Variants in TBCK observed in about 807,000 individuals in gnomAD.
TBCK encodes the protein TBC1 domain containing kinase, also known as TBC domain-containing protein kinase-like protein.
TBCK carries 99 observed loss-of-function variants against 113.4 expected under a neutral mutation model. That is an observed-to-expected ratio of 0.87 (90% CI 0.74 to 1.03). TBCK has a LOEUF of 1.03. Ranked by LOEUF, TBCK falls within the 50% of genes least tolerant of loss-of-function variation. The probability of loss-of-function intolerance (pLI) is 0.00; values close to 1 mark genes in which losing one functional copy is unlikely to be tolerated. For missense variants in TBCK, 1,045 were observed against 1,061.3 expected (o/e 0.98, Z 0.21); for synonymous variants, 369 against 370.8 (o/e 1.00, Z 0.05).
At chr4:106,295,967 G>C (rs562921847) in intron 2 of TBCK, among the ~76,000 whole-genome samples, 11 of 152,172 alleles carry the variant, frequency 7.2e-5, no homozygotes, top group Middle Eastern at 3.4e-3. Context: ...GCATATTTAA[G>C]TGGATGTGTG....
intron 25 of TBCK, among the ~76,000 whole-genome samples, chr4:106,054,119 C>A (rs1007438677): frequency 2.6e-5 from 4 of 151,644 alleles, no homozygotes; most frequent in African/African-American, 9.7e-5. Flanking sequence ...ATTTTAACGG[C>A]CTGTAGCTTT....
chr4:106,110,183 C>T (rs565933117), intron 24 of TBCK, among the ~76,000 whole-genome samples: 3 of 152,322 alleles, frequency 2.0e-5, no homozygotes, highest in African/African-American at 2.4e-5. Context: ...GTCAGGGCTG[C>T]GGCTGCTACA....
rs536344741 is a variant in TBCK, at chr4:106,140,285, TA to T, written c.2236-23908del. On this transcript the variant is annotated intron_variant, in intron 23 of 25. Coordinates refer to ENST00000394708, the MANE Select transcript of TBCK (RefSeq NM_001163435.3). ...TACATTTCAACACATATATTTTATT[TA>T]AAAAAAGTTTAAGTTCTTTTGCATT... Among the ~76,000 whole-genome samples the T allele has an allele frequency of 3.5e-5, 5 of 141,006 alleles. 1 individual carries two copies. The highest frequency in any genetic ancestry group is 1.2e-4 in the African/African-American group (5 of 40,014). 92.5% of individuals were successfully genotyped at this position (141,006 alleles called of 152,430 possible).
At chr4:106,275,684 A>G (rs1000253934) in intron 3 of TBCK, among the ~76,000 whole-genome samples, 1 of 152,178 alleles carries the variant, frequency 6.6e-6, no homozygotes. Context: ...TATCAAAAAC[A>G]TAAGCTACTT....
intron 23 of TBCK, among the ~76,000 whole-genome samples, chr4:106,130,202 T>C (rs930969528): frequency 6.6e-6 from 1 of 152,212 alleles, no homozygotes; most frequent in African/African-American, 2.4e-5. Flanking sequence ...AGTGAATGTA[T>C]AAATCAACAT....
intron 19 of TBCK, among the ~76,000 whole-genome samples, chr4:106,222,862 A>G (rs1265707914): frequency 6.6e-6 from 1 of 152,130 alleles, no homozygotes; most frequent in Admixed American, 6.5e-5. Context: ...TTTATAACTA[A>G]GTGGAAAGAA....
chr4:106,084,723 C>G (rs1739299264), intron 25 of TBCK, among the ~76,000 whole-genome samples: 2 of 152,210 alleles, frequency 1.3e-5, no homozygotes, highest in Admixed American at 1.3e-4. Context: ...GGAAGCCCAT[C>G]AGACTAACAG....
At chr4:106,053,773 T>G (rs761684432) in intron 25 of TBCK, among the ~76,000 whole-genome samples, 17 of 151,674 alleles carry the variant, frequency 1.1e-4, no homozygotes, top group Non-Finnish European at 2.1e-4. Context: ...ATTCCTACCC[T>G]CCTCTACCCA....
At chr4:106,222,310 G>A (rs1176639056) in intron 19 of TBCK, among the ~76,000 whole-genome samples, 1 of 151,418 alleles carries the variant, frequency 6.6e-6, no homozygotes, top group Non-Finnish European at 1.5e-5. Context: ...CTTTAAAATG[G>A]CTTGTTATAT....
At chr4:106,251,779 C>T in intron 6 of TBCK, 87 bp downstream of exon 6, 1 of 1,178,568 alleles carries the variant, frequency 8.5e-7, no homozygotes, top group East Asian at 2.8e-5. Flanking sequence ...ACAGCAAAAA[C>T]ATACTATTAT....
intron 12 of TBCK, among the ~76,000 whole-genome samples, chr4:106,240,618 T>C (rs1416539667): frequency 1.3e-5 from 2 of 152,028 alleles, no homozygotes; most frequent in African/African-American, 4.8e-5. Flanking sequence ...TGGTACATTT[T>C]ACTACATGAA....
chr4:106,130,583 G>A (rs1003596536), intron 23 of TBCK, among the ~76,000 whole-genome samples: 50 of 122,958 alleles, frequency 4.1e-4, no homozygotes, highest in Non-Finnish European at 7.0e-4. Flanking sequence ...CCACTTTTGC[G>A]CTAAATACAC....
intron 3 of TBCK, 82 bp downstream of exon 3, chr4:106,295,012 C>T: frequency 8.8e-7 from 1 of 1,135,104 alleles, no homozygotes. Context: ...CAAAAGAAAC[C>T]AAACCCCTGC....
chr4:106,185,929 G>C (rs1278459582), intron 22 of TBCK, among the ~76,000 whole-genome samples: 1 of 151,946 alleles, frequency 6.6e-6, no homozygotes, highest in East Asian at 1.9e-4. Flanking sequence ...TCTCTTCGTT[G>C]TGTCCATGTG....
At chr4:106,223,246 C>T (rs561871868) in intron 19 of TBCK, among the ~76,000 whole-genome samples, 5 of 152,216 alleles carry the variant, frequency 3.3e-5, no homozygotes, top group Non-Finnish European at 7.4e-5. Context: ...AAATACATAA[C>T]TTTTGGAGTG....
chr4:106,088,360 C>T (rs1212893654), intron 25 of TBCK, among the ~76,000 whole-genome samples: 1 of 152,156 alleles, frequency 6.6e-6, no homozygotes, highest in Non-Finnish European at 1.5e-5. Context: ...AAAAGCTCAA[C>T]ATCACTGGTC....
rs370554138 is a variant in TBCK at position 106,233,631 on chromosome 4, T to C, written c.1469A>G (p.Tyr490Cys). 5 of 1,610,788 alleles carry C rather than the reference T, an allele frequency of 3.1e-6. No homozygotes were observed. The highest frequency in any genetic ancestry group is 4.2e-6 in the Non-Finnish European group (5 of 1,178,130). The change falls in exon 16 of 26, where the codon TAC (tyrosine) becomes TGC (cysteine). Residue 490 changes from tyrosine (Y) to cysteine (C), a missense_variant. Physicochemically the swap from Tyr to Cys is radical, Grantham distance 194. Transcript: ENST00000394708. ...LGVEGAIHAK[Y>C]DAIDKDTPIP... ...TGGAGTGTCTTTATCAATTGCATCG[T>C]ACTTGGCATGAATAGCTCCCTGCAA...
intron 20 of TBCK, among the ~76,000 whole-genome samples, chr4:106,205,706 C>T (rs1171064529): frequency 1.3e-5 from 2 of 148,860 alleles, no homozygotes; most frequent in Non-Finnish European, 3.0e-5. Flanking sequence ...GCAGAGGTTG[C>T]AGTGAGCCGA....
At chr4:106,279,879 T>C (rs887637130) in intron 3 of TBCK, among the ~76,000 whole-genome samples, 1 of 152,164 alleles carries the variant, frequency 6.6e-6, no homozygotes, top group Non-Finnish European at 1.5e-5. Context: ...TTGTGAACAG[T>C]GCTGCAACAA....
Sources: gnomAD v4.1 joint callset for allele counts (sites outside exome capture counted in the v4.1 genomes callset) on GRCh38, gnomAD v4.1.1 for gene constraint, MANE v1.5 for transcripts, NCBI Gene and HGNC (gene_info 2026-07-23, HGNC 2026-07-21) for gene names.